Variants in CCDC192 observed in about 807,000 individuals in gnomAD.
CCDC192 encodes the protein coiled-coil domain containing 192, also known as coiled-coil domain-containing protein 192.
At position 127,892,094 on chromosome 5, in the gene CCDC192, G is replaced by A. The variant is rs533685060; in HGVS notation, c.535+16433G>A. Reference sequence around the variant, plus strand: ...CAGGAATGGAAATGAAAGATGTTGCGCAAATTACTAAGTCTAAAAAAAGCC... The same window carrying A: ...CAGGAATGGAAATGAAAGATGTTGCACAAATTACTAAGTCTAAAAAAAGCC... On this transcript the variant is annotated intron_variant, in intron 6 of 6. Transcript: ENST00000514853. 7.9e-5 allele frequency among the ~76,000 whole-genome samples: 12 copies of A among 152,110 alleles called. No individual in the cohort carries two copies. The East Asian group carries it at 9.6e-4, about 12-fold the overall frequency.
chr5:127,875,392 C>T (rs1752034145), intron 5 of CCDC192, 146 bp from the exon 6 acceptor site: 1 of 381,880 alleles, frequency 2.6e-6, no homozygotes, highest in East Asian at 3.7e-5. Context: ...TCACAAACCT[C>T]AAACAGGACT....
At chr5:127,786,659 G>C (rs752417558) in intron 3 of CCDC192, 40 of 760,662 alleles carry the variant, frequency 5.3e-5, no homozygotes, top group Non-Finnish European at 8.4e-5. Flanking sequence ...TCAGCACTTT[G>C]CTTGAAAATC....
intron 5 of CCDC192, among the ~76,000 whole-genome samples, chr5:127,860,108 G>A (rs751206210): frequency 4.0e-5 from 6 of 151,874 alleles, no homozygotes; most frequent in Admixed American, 6.6e-5. Context: ...TCACCTCTGC[G>A]CTCCCAGATC....
intron 6 of CCDC192, among the ~76,000 whole-genome samples, chr5:127,895,218 G>A (rs934585800): frequency 1.3e-5 from 2 of 152,090 alleles, no homozygotes; most frequent in African/African-American, 4.8e-5. Context: ...CTGAACAGTG[G>A]CCACCCCTTA....
intron 6 of CCDC192, among the ~76,000 whole-genome samples, chr5:127,918,169 C>T (rs1753581785): frequency 6.9e-6 from 1 of 144,390 alleles, no homozygotes; most frequent in African/African-American, 2.7e-5. Context: ...AACTCAATGG[C>T]ATTGGTATAC....
In CCDC192 at chr5:127,800,376, G is replaced by GAAAAAAAAAAAAAAAAA. The variant is rs1168212422; in HGVS notation, c.411+2223_411+2239dup. On this transcript the variant is annotated intron_variant, in intron 5 of 6. Coordinates refer to ENST00000514853, the MANE Select transcript of CCDC192 (RefSeq NM_001317938.2). Reference sequence around the variant, plus strand: ...TCCATAGGATGCTAAGAGGTATTCTGAAAAAAAAAAAAAAAAAAAAAAAAA... The same window carrying GAAAAAAAAAAAAAAAAA: ...TCCATAGGATGCTAAGAGGTATTCTGAAAAAAAAAAAAAAAAAAAAAAAAAAAAAAAAAAAAAAAAAA... 1.2e-3 allele frequency among the ~76,000 whole-genome samples: 24 copies of GAAAAAAAAAAAAAAAAA among 19,512 alleles called. 3 individuals carry two copies. The highest frequency in any genetic ancestry group is 0.011 in the East Asian group (4 of 348). The allele number at this position is 19,512 out of a possible 152,430, so 12.8% of individuals were successfully genotyped here.
intron 6 of CCDC192, among the ~76,000 whole-genome samples, chr5:127,893,692 C>G (rs1487861970): frequency 6.6e-6 from 1 of 152,202 alleles, no homozygotes; most frequent in East Asian, 1.9e-4. Flanking sequence ...GGACAGAAAT[C>G]TGATAAACAT....
chr5:127,731,738 A>G (rs1266678568), intron 2 of CCDC192, among the ~76,000 whole-genome samples: 1 of 152,212 alleles, frequency 6.6e-6, no homozygotes, highest in Non-Finnish European at 1.5e-5. Context: ...GACAAACCTG[A>G]CAAAAATAAG....
intron 3 of CCDC192, among the ~76,000 whole-genome samples, chr5:127,787,343 A>G (rs1451768222): frequency 3.3e-5 from 5 of 152,136 alleles, no homozygotes; most frequent in African/African-American, 1.2e-4. Context: ...TGCATGTGAC[A>G]TGGCACCTAC....
intron 6 of CCDC192, among the ~76,000 whole-genome samples, chr5:127,918,508 A>G (rs1256814980): frequency 6.6e-6 from 1 of 152,154 alleles, no homozygotes; most frequent in South Asian, 2.1e-4. Flanking sequence ...AGGCTTGTAT[A>G]TATTACACAC....
intron 5 of CCDC192, among the ~76,000 whole-genome samples, chr5:127,806,685 C>T (rs1027341508): frequency 6.6e-6 from 1 of 152,090 alleles, no homozygotes; most frequent in African/African-American, 2.4e-5. Context: ...CAATGTAAGA[C>T]AGTCTCAGCT....
intron 6 of CCDC192, among the ~76,000 whole-genome samples, chr5:127,897,452 T>C (rs957764616): frequency 6.6e-6 from 1 of 152,188 alleles, no homozygotes; most frequent in Non-Finnish European, 1.5e-5. Context: ...TAGGATATTT[T>C]TGAAGGTGAA....
At chr5:127,850,571 G>C (rs574316693) in intron 5 of CCDC192, among the ~76,000 whole-genome samples, 32 of 152,276 alleles carry the variant, frequency 2.1e-4, no homozygotes, top group African/African-American at 7.7e-4. Context: ...GAAAGAATAT[G>C]ATCAGTCAGA....
At chr5:127,712,598 TAC>T (rs1167263436) in intron 2 of CCDC192, among the ~76,000 whole-genome samples, 1 of 152,208 alleles carries the variant, frequency 6.6e-6, no homozygotes, top group Non-Finnish European at 1.5e-5. Flanking sequence ...CTTTTCAAAT[TAC>T]CAAGCCTCAG....
At chr5:127,784,147 G>A (rs1756401423) in intron 3 of CCDC192, among the ~76,000 whole-genome samples, 1 of 152,190 alleles carries the variant, frequency 6.6e-6, no homozygotes, top group Non-Finnish European at 1.5e-5. Context: ...GTATTGAGAT[G>A]TGAGGCACCA....
At chr5:127,844,907 C>G (rs140634418) in intron 5 of CCDC192, among the ~76,000 whole-genome samples, 1 of 152,190 alleles carries the variant, frequency 6.6e-6, no homozygotes, top group South Asian at 2.1e-4. Flanking sequence ...CCTTGTGCCA[C>G]CATTTCAGCG....
intron 2 of CCDC192, among the ~76,000 whole-genome samples, chr5:127,712,520 A>C (rs1580514415): frequency 6.6e-6 from 1 of 152,372 alleles, no homozygotes; most frequent in Middle Eastern, 3.4e-3. Context: ...TCCTCCAGAA[A>C]CTAAGCAGAT....
In CCDC192 at chr5:127,738,592, T is replaced by C. The variant is rs1266559066; in HGVS notation, c.115-15676T>C. Among the ~76,000 whole-genome samples the C allele has an allele frequency of 2.0e-5, 3 of 147,780 alleles. No individual in the cohort carries two copies. In the East Asian group the frequency reaches 6.0e-4, roughly 29 times the overall value. On this transcript the variant is annotated intron_variant, in intron 2 of 6. Coordinates refer to ENST00000514853, the MANE Select transcript of CCDC192 (RefSeq NM_001317938.2). ...CCAATCAGACGTAGATTTGGTCTTT[T>C]CACATAGTCCCATATTTCTTGGAGG...
rs143778624 is a variant in CCDC192 at position 127,881,882 on chromosome 5, T to A, written c.535+6221T>A. 1.1e-4 allele frequency among the ~76,000 whole-genome samples: 17 copies of A among 152,322 alleles called. No homozygotes were observed. The East Asian group carries it at 3.1e-3, about 28-fold the overall frequency. On this transcript the variant is annotated intron_variant, in intron 6 of 6. Transcript: ENST00000514853. ...ACACCTATTGTATCCCTTCAAAGCT[T>A]GAGTCCACCTTTTGGTACACTTCAG...
Sources: allele counts gnomAD v4.1 joint callset (sites outside exome capture counted in the v4.1 genomes callset), GRCh38; gene constraint gnomAD v4.1.1; transcripts MANE v1.5; gene names NCBI Gene and HGNC (gene_info 2026-07-23, HGNC 2026-07-21).